Variants in APP observed in about 807,000 individuals in gnomAD.
APP encodes amyloid beta precursor protein.
APP carries 31 observed loss-of-function variants against 101.4 expected under a neutral mutation model. The observed-to-expected ratio is 0.31, with a 90% CI of 0.23 to 0.41. The LOEUF (loss-of-function observed/expected upper bound fraction) is 0.41. APP is among the 10% of genes least tolerant of loss of function. The pLI is 1.00. For synonymous variants in APP, 366 were observed against 364.4 expected (o/e 1.00, Z -0.05); for missense variants, 839 against 1,003.7 (o/e 0.84, Z 2.22).
At chr21:25,890,976 T>C (rs2037657924) in intron 17 of APP, among the ~76,000 whole-genome samples, 1 of 152,366 alleles carries the variant, frequency 6.6e-6, no homozygotes, top group African/African-American at 2.4e-5. Flanking sequence ...CTATACTCTC[T>C]GCAAGACAGT....
At chr21:26,122,393 C>T (rs2062593338) in intron 1 of APP, among the ~76,000 whole-genome samples, 1 of 152,166 alleles carries the variant, frequency 6.6e-6, no homozygotes, top group Non-Finnish European at 1.5e-5. Flanking sequence ...TACCAAAATG[C>T]TAATTTTCCA....
At chr21:25,974,932 G>C in intron 11 of APP, 138 bp downstream of exon 11, 3 of 1,300,442 alleles carry the variant, frequency 2.3e-6, no homozygotes, top group South Asian at 1.3e-5. Flanking sequence ...AGATGGAATG[G>C]ACAGGGGTTG....
chr21:26,072,522 T>C (rs1242573772), intron 3 of APP, among the ~76,000 whole-genome samples: 5 of 152,352 alleles, frequency 3.3e-5, no homozygotes, highest in Admixed American at 6.5e-5. Flanking sequence ...GAGAGGATTA[T>C]GCTTAATTAT....
At chr21:25,948,720 GAGA>G (rs1223139245) in intron 13 of APP, among the ~76,000 whole-genome samples, 1 of 152,198 alleles carries the variant, frequency 6.6e-6, no homozygotes, top group African/African-American at 2.4e-5. Flanking sequence ...TAGCTGCAAA[GAGA>G]AGCACACTTT....
intron 3 of APP, among the ~76,000 whole-genome samples, chr21:26,053,988 T>A (rs1175404161): frequency 6.6e-6 from 1 of 152,214 alleles, no homozygotes; most frequent in Non-Finnish European, 1.5e-5. Flanking sequence ...AGATATTACA[T>A]AAAGTCCTAC....
intron 4 of APP, among the ~76,000 whole-genome samples, chr21:26,051,743 C>T (rs2145959291): frequency 6.6e-6 from 1 of 152,308 alleles, no homozygotes; most frequent in East Asian, 1.9e-4. Context: ...GAGATTTCTC[C>T]TTGAATGTCT....
At chr21:26,139,993 C>A (rs567571974) in intron 1 of APP, among the ~76,000 whole-genome samples, 3 of 152,310 alleles carry the variant, frequency 2.0e-5, no homozygotes, top group African/African-American at 7.2e-5. Context: ...GCATGGATGG[C>A]CAAATTAAAT....
At chr21:26,125,581 G>T (rs2062665097) in intron 1 of APP, among the ~76,000 whole-genome samples, 1 of 152,058 alleles carries the variant, frequency 6.6e-6, no homozygotes, top group Non-Finnish European at 1.5e-5. Context: ...ATTCGGTGCG[G>T]TGTTTAGGGG....
chr21:26,096,482 A>T (rs1271835859), intron 2 of APP, among the ~76,000 whole-genome samples: 1 of 151,968 alleles, frequency 6.6e-6, no homozygotes, highest in Non-Finnish European at 1.5e-5. Context: ...CATCCCCTAT[A>T]GCTTATTAGA....
At chr21:26,090,119 T>C (rs936053085) in intron 2 of APP, 47 bp from the exon 3 acceptor site, 3 of 1,611,594 alleles carry the variant, frequency 1.9e-6, no homozygotes, top group African/African-American at 2.7e-5. Context: ...AGGCAGGGGC[T>C]GGCATTTACA....
chr21:26,032,984 T>C (rs11911571), intron 5 of APP, among the ~76,000 whole-genome samples: 8,168 of 151,526 alleles, frequency 0.054, 324 homozygotes, highest in East Asian at 0.19. Context: ...ATTGGTGGAG[T>C]TTGGGAGGGA....
intron 14 of APP, among the ~76,000 whole-genome samples, chr21:25,906,321 G>A (rs1031040377): frequency 2.0e-5 from 3 of 152,264 alleles, no homozygotes; most frequent in African/African-American, 7.2e-5. Flanking sequence ...AAAGGAGGGT[G>A]AGGCATCTAA....
At chr21:25,949,906 G>A (rs1210736668) in intron 13 of APP, among the ~76,000 whole-genome samples, 2 of 152,150 alleles carry the variant, frequency 1.3e-5, no homozygotes, top group African/African-American at 4.8e-5. Flanking sequence ...TATCTGGGCT[G>A]GGCAAGTTGG....
chr21:25,897,863 AGAAAT>A lies in APP; in HGVS notation c.1964-195_1964-191del, dbSNP rs1438447961. The A allele has an allele frequency of 8.3e-6, 5 of 601,362 alleles. No homozygotes were observed. The East Asian group carries it at 8.5e-5, about 10-fold the overall frequency. The allele number at this position is 601,362 out of a possible 1,614,324, so 37.3% of individuals were successfully genotyped here. ...CAATTACTACCTATTTTGAACAAAAAGAAATGAAAGGGTAAGGGAAACCTGAAAGT... is the reference window on the plus strand; with the variant it reads ...CAATTACTACCTATTTTGAACAAAAAGAAAGGGTAAGGGAAACCTGAAAGT... On this transcript the variant is annotated intron_variant, in intron 15 of 17. Coordinates refer to ENST00000346798, the MANE Select transcript of APP (RefSeq NM_000484.4).
intron 15 of APP, among the ~76,000 whole-genome samples, chr21:25,900,417 G>C (rs909613647): frequency 6.8e-6 from 1 of 148,074 alleles, no homozygotes; most frequent in Non-Finnish European, 1.5e-5. Flanking sequence ...AAATTAGCCA[G>C]GTGTGGTGGC....
chr21:26,090,088 A>G lies in APP; in HGVS notation c.226-16T>C. 1 of 1,613,894 alleles carries G rather than the reference A, an allele frequency of 6.2e-7. No homozygotes were observed. Among genetic ancestry groups the G allele is most frequent in the Non-Finnish European group, 8.5e-7 (1 of 1,179,894 alleles). On this transcript the variant is annotated splice_polypyrimidine_tract_variant and intron_variant, in intron 2 of 17. Transcript: ENST00000346798. ...CAGGGTAGACCTGGGAGAGCACACA[A>G]AAAGAATCAATTGTTACTTGAGGCA...
chr21:26,142,310 C>T (rs1373488647), intron 1 of APP, among the ~76,000 whole-genome samples: 1 of 152,174 alleles, frequency 6.6e-6, no homozygotes, highest in Non-Finnish European at 1.5e-5. Flanking sequence ...ACAGCCCTCA[C>T]TCGATCTTTC....
chr21:26,095,527 T>C (rs528671859), intron 2 of APP, among the ~76,000 whole-genome samples: 52 of 148,134 alleles, frequency 3.5e-4, no homozygotes, highest in African/African-American at 1.4e-3. Flanking sequence ...TTGTTGTGAA[T>C]TACTTACTGT....
intron 13 of APP, 44 bp from the exon 14 acceptor site, chr21:25,912,006 C>T: frequency 7.5e-6 from 11 of 1,458,914 alleles, no homozygotes; most frequent in Non-Finnish European, 1.1e-5. Flanking sequence ...ACAACAATCA[C>T]AACAGCAGCA....
Sources: allele counts gnomAD v4.1 joint callset (sites outside exome capture counted in the v4.1 genomes callset), GRCh38; gene constraint gnomAD v4.1.1; transcripts MANE v1.5; gene names NCBI Gene and HGNC (gene_info 2026-07-23, HGNC 2026-07-21).